GLYATL2: variants seen among roughly 807,000 people sequenced by gnomAD.
GLYATL2 encodes glycine N-acyltransferase-like protein 2.
GLYATL2 carries 25 observed loss-of-function variants against 21.4 expected under a neutral mutation model. The ratio of observed to expected loss-of-function variants is 1.17; its 90% CI spans 0.85 to 1.63. The LOEUF (loss-of-function observed/expected upper bound fraction) is 1.63. Among genes scored for constraint, GLYATL2 ranks in the 40% most tolerant of loss-of-function variants. The pLI is 0.00. For synonymous variants in GLYATL2, 114 were observed against 118.2 expected (o/e 0.96, Z 0.23); for missense variants, 361 against 343.3 (o/e 1.05, Z -0.41).
chr11:58,846,230 A>T (rs35168534), upstream of GLYATL2, among the ~76,000 whole-genome samples: 1,132 of 152,012 alleles, frequency 7.4e-3, 9 homozygotes, highest in Non-Finnish European at 0.013. Context: ...TTGAGCCATT[A>T]AATTTTTTTT....
chr11:58,897,841 G>A (rs1854661012), intron 1 of GLYATL2, among the ~76,000 whole-genome samples: 1 of 152,132 alleles, frequency 6.6e-6, no homozygotes, highest in Non-Finnish European at 1.5e-5. Flanking sequence ...ATATTGAAAA[G>A]GAATTATTAT....
At chr11:58,878,372 AG>A in intron 1 of GLYATL2, 1 of 646,846 alleles carries the variant, frequency 1.5e-6, no homozygotes, top group Non-Finnish European at 2.2e-6. Context: ...AGAGTGGCTG[AG>A]GATCATAGGT....
At chr11:58,837,220 A>T (rs778882013) in intron 4 of GLYATL2, 43 bp from the exon 5 acceptor site, 6 of 1,612,652 alleles carry the variant, frequency 3.7e-6, no homozygotes, top group Non-Finnish European at 4.2e-6. Context: ...TGCCTTCCAT[A>T]TCGGCTAGGA....
intron 1 of GLYATL2, among the ~76,000 whole-genome samples, chr11:58,871,953 C>A (rs1854130255): frequency 6.6e-6 from 1 of 152,144 alleles, no homozygotes; most frequent in African/African-American, 2.4e-5. Flanking sequence ...CTGTTGTTTC[C>A]TGACTTTTTA....
upstream of GLYATL2, among the ~76,000 whole-genome samples, chr11:58,849,266 A>G (rs560031699): frequency 6.6e-6 from 1 of 152,290 alleles, no homozygotes; most frequent in East Asian, 1.9e-4. Flanking sequence ...ACAGGTAATA[A>G]TAAGTACACA....
At chr11:58,849,068 T>G (rs1396989345), upstream of GLYATL2, among the ~76,000 whole-genome samples, 3 of 152,156 alleles carry the variant, frequency 2.0e-5, no homozygotes, top group African/African-American at 4.8e-5. Flanking sequence ...AAAAATACCT[T>G]TTACCCTAGA....
intron 1 of GLYATL2, among the ~76,000 whole-genome samples, chr11:58,900,868 T>A (rs530713616): frequency 1.3e-5 from 2 of 148,208 alleles, no homozygotes; most frequent in Non-Finnish European, 3.0e-5. Flanking sequence ...ATTAAGGGAA[T>A]CTTCGAGTCC....
intron 1 of GLYATL2, among the ~76,000 whole-genome samples, chr11:58,839,872 A>G (rs1299054380): frequency 1.0e-5 from 1 of 100,226 alleles, no homozygotes; most frequent in Non-Finnish European, 2.1e-5. Context: ...ATTCCACTTA[A>G]AAAGTACATT....
In GLYATL2 at chr11:58,834,171, G is replaced by C. The variant is rs1375238859; in HGVS notation, c.*258C>G. ...AGTGTTGCCGTTAAAGGGTTATCTT[G>C]GCACTAATGATTGGCTTTGGGTGAT... On this transcript the variant is annotated 3_prime_UTR_variant, in exon 6 of 6. Coordinates refer to ENST00000287275, the MANE Select transcript of GLYATL2 (RefSeq NM_145016.4). 6.3e-6 allele frequency: 2 copies of C among 317,142 alleles called. No individual in the cohort carries two copies. Among genetic ancestry groups the C allele is most frequent in the Non-Finnish European group, 1.1e-5 (2 of 175,206 alleles). The allele number at this position is 317,142 out of a possible 1,614,324, so 19.6% of individuals were successfully genotyped here. A position where few individuals can be genotyped will look rare whatever the true frequency, so the allele number is the denominator to read the frequency against.
rs1377701824 is a variant in GLYATL2 at position 58,837,286 on chromosome 11, T to C, written c.298A>G (p.Thr100Ala). 1 of 1,613,902 alleles carries C rather than the reference T, an allele frequency of 6.2e-7. No individual in the cohort carries two copies. Residue 100 changes from threonine (T) to alanine (A), a missense_variant, in exon 4 of 6, where the codon ACT (threonine) becomes GCT (alanine). Physicochemically the swap from Thr to Ala is moderately conservative, Grantham distance 58. Transcript: ENST00000287275. ...SYSNVISWEQ[T>A]LQIQGCQEGL... ...GACTAGTTACCTTGGATCTGCAAAG[T>C]TTGCTCCCAGCTGATTACATTGGAG... is the stretch of plus-strand genomic sequence containing the variant.
intron 1 of GLYATL2, among the ~76,000 whole-genome samples, chr11:58,895,739 G>T (rs569829995): frequency 7.6e-4 from 112 of 147,598 alleles, no homozygotes; most frequent in Admixed American, 2.0e-3. Context: ...AAATCAGCCT[G>T]AAAAATCAAG....
intron 1 of GLYATL2, among the ~76,000 whole-genome samples, chr11:58,886,955 A>G (rs1446871195): frequency 1.3e-5 from 2 of 152,216 alleles, no homozygotes; most frequent in African/African-American, 4.8e-5. Flanking sequence ...CACCTTCCCT[A>G]GGGATGTTTG....
intron 1 of GLYATL2, among the ~76,000 whole-genome samples, chr11:58,857,659 G>C (rs1313351798): frequency 6.6e-6 from 1 of 152,010 alleles, no homozygotes; most frequent in Non-Finnish European, 1.5e-5. Flanking sequence ...CAGCAATAAG[G>C]CCATTTTGCT....
At position 58,834,444 on chromosome 11, in the gene GLYATL2, G is replaced by A. The variant is rs369806459; in HGVS notation, c.870C>T (p.Pro290=). Reference sequence around the variant, plus strand: ...GTGGAATCAATCAACAATATTTCTTGGGGGTGCATTTCCACTGATGCCAGC... The same window carrying A: ...GTGGAATCAATCAACAATATTTCTTAGGGGTGCATTTCCACTGATGCCAGC... ...PCGWHQWKCT[P]KKYC Residue 290 remains proline (P), a synonymous_variant, in exon 6 of 6, where the codon CCC becomes CCT. Transcript: ENST00000287275. The A allele has an allele frequency of 7.2e-5, 114 of 1,589,524 alleles. 1 individual carries two copies. Among genetic ancestry groups the A allele is most frequent in the Admixed American group, 1.8e-5 (1 of 55,266 alleles).
intron 1 of GLYATL2, among the ~76,000 whole-genome samples, chr11:58,856,623 GTTGTGTCTC>G (rs1853832343): frequency 6.6e-6 from 1 of 152,166 alleles, no homozygotes; most frequent in African/African-American, 2.4e-5. Context: ...TTTAAATGTT[GTTGTGTCTC>G]AGGGAATAGT....
rs1397028083 is a variant in GLYATL2, at chr11:58,834,662, C to T, written c.652G>A (p.Glu218Lys). ...EGQLVSWIVM[E>K]QSCELRMGYT... is the part of the protein sequence containing the mutation. ...CCCATTCTCAACTCACAGGACTGTT[C>T]CATCACAATCCAAGAGACAAGCTGG... Residue 218 changes from glutamate to lysine, a missense_variant, in exon 6 of 6, where the codon GAA becomes AAA. Coordinates refer to ENST00000287275, the MANE Select transcript of GLYATL2 (RefSeq NM_145016.4). 1.2e-6 allele frequency: 2 copies of T among 1,613,322 alleles called. No individual in the cohort carries two copies. Among genetic ancestry groups the T allele is most frequent in the Non-Finnish European group, 1.7e-6 (2 of 1,179,864 alleles).
intron 1 of GLYATL2, among the ~76,000 whole-genome samples, chr11:58,867,273 C>A (rs1854038969): frequency 6.7e-6 from 1 of 148,716 alleles, no homozygotes. Flanking sequence ...ACAAAAATAC[C>A]ATGCAATACA....
At chr11:58,894,887 C>T (rs991977640) in intron 1 of GLYATL2, among the ~76,000 whole-genome samples, 9 of 152,118 alleles carry the variant, frequency 5.9e-5, no homozygotes, top group Admixed American at 4.6e-4. Flanking sequence ...AAAATTCTTA[C>T]GTAAAAAATA....
chr11:58,851,209 C>T (rs554508558), intron 1 of GLYATL2, among the ~76,000 whole-genome samples: 1 of 152,146 alleles, frequency 6.6e-6, no homozygotes, highest in African/African-American at 2.4e-5. Flanking sequence ...AGTGGTCCCC[C>T]GGGCCCAGTT....
Sources: gnomAD v4.1 joint callset for allele counts (sites outside exome capture counted in the v4.1 genomes callset) on GRCh38, gnomAD v4.1.1 for gene constraint, MANE v1.5 for transcripts, NCBI Gene and HGNC (gene_info 2026-07-23, HGNC 2026-07-21) for gene names.